The following RSPH10B variants were observed in gnomAD, a reference collection of about 807,000 sequenced individuals.
RSPH10B encodes the protein radial spoke head 10 homolog B, also known as radial spoke head 10 homolog B (Chlamydomonas).
A neutral mutation model predicts 52.5 loss-of-function variants in RSPH10B; 7 were observed. The ratio of observed to expected loss-of-function variants is 0.13; its 90% CI spans 0.08 to 0.25. The LOEUF (loss-of-function observed/expected upper bound fraction) is 0.25, where lower values mean the gene tolerates loss of function less well. Ranked by LOEUF, RSPH10B falls within the 10% of genes least tolerant of loss-of-function variation. RSPH10B has a pLI of 1.00. For missense variants in RSPH10B, 89 were observed against 542.5 expected, an observed-to-expected ratio of 0.16 and a Z score of 8.30; for synonymous variants, 28 against 193.2, an observed-to-expected ratio of 0.14 and a Z score of 7.09.
rs1329469783 is a variant in RSPH10B, at chr7:5,931,490, C to G, written c.2233+1292G>C. Among the ~76,000 whole-genome samples the G allele has an allele frequency of 2.0e-5, 3 of 151,442 alleles. No homozygotes were observed. In the South Asian group the frequency reaches 6.2e-4, roughly 31 times the overall value. On this transcript the variant is annotated intron_variant, in intron 17 of 18. Transcript: ENST00000337579. ...CCTGTAATCCCAGTGCTTTGGGACA[C>G]CAAGGCGGGAAGATCACTTGGGCCC...
chr7:5,957,499 A>C (rs367701966), intron 6 of RSPH10B, among the ~76,000 whole-genome samples: 936 of 9,932 alleles, frequency 0.094, 1 homozygote, highest in Admixed American at 0.16. Context: ...AAAAACAAAC[A>C]AACAGGCTGG....
chr7:5,942,585 G>C (rs1256250156), intron 13 of RSPH10B, among the ~76,000 whole-genome samples: 4 of 144,876 alleles, frequency 2.8e-5, no homozygotes, highest in Non-Finnish European at 4.6e-5. Context: ...AGGCCAGTCA[G>C]GCACAGTGTC....
chr7:5,950,229 T>C, intron 9 of RSPH10B, among the ~76,000 whole-genome samples: 1 of 150,476 alleles, frequency 6.6e-6, no homozygotes, highest in Non-Finnish European at 1.5e-5. Context: ...AAACAGCATG[T>C]ACAAAACACA....
intron 17 of RSPH10B, among the ~76,000 whole-genome samples, chr7:5,932,169 C>T (rs1392941629): frequency 8.0e-5 from 10 of 125,158 alleles, no homozygotes; most frequent in East Asian, 7.8e-4. Flanking sequence ...CACACGGACA[C>T]GGCTGAGGAA....
chr7:5,942,673 G>A (rs964431936), intron 13 of RSPH10B, among the ~76,000 whole-genome samples: 3 of 149,702 alleles, frequency 2.0e-5, no homozygotes, highest in Non-Finnish European at 4.4e-5. Context: ...ACCAGCCTGG[G>A]CAACATGGTG....
chr7:5,927,049 TATGTGTGTG>T (rs1278418507), intron 18 of RSPH10B, among the ~76,000 whole-genome samples: 4 of 55,992 alleles, frequency 7.1e-5, no homozygotes, highest in East Asian at 6.8e-4. Flanking sequence ...GTGTGTGTAT[TATGTGTGTG>T]TGTGTGTGTA....
At chr7:5,942,912 TTA>T (rs59583341) in intron 13 of RSPH10B, among the ~76,000 whole-genome samples, 1,920 of 93,422 alleles carry the variant, frequency 0.021, 43 homozygotes, top group African/African-American at 0.04. Flanking sequence ...ATATATTTAT[TTA>T]TATATATATA....
intron 9 of RSPH10B, among the ~76,000 whole-genome samples, chr7:5,950,328 T>C (rs1780548414): frequency 6.6e-6 from 1 of 151,942 alleles, no homozygotes; most frequent in Admixed American, 6.6e-5. Flanking sequence ...CCCAGCACTT[T>C]GGGAGGCTGA....
chr7:5,927,049 TATGTGTGTGTGTGTGTGTATATG>T (rs1779490069), intron 18 of RSPH10B, among the ~76,000 whole-genome samples: 2 of 55,982 alleles, frequency 3.6e-5, no homozygotes, highest in African/African-American at 9.8e-5. Flanking sequence ...GTGTGTGTAT[TATGTGTGTGTGTGTGTGTATATG>T]TGTGTGTGTG....
At chr7:5,961,260 G>C (rs1162506029) in intron 3 of RSPH10B, among the ~76,000 whole-genome samples, 2 of 142,192 alleles carry the variant, frequency 1.4e-5, no homozygotes, top group Non-Finnish European at 3.1e-5. Flanking sequence ...GACTGAGGCG[G>C]GAGGACTGCT....
At chr7:5,931,792 G>A (rs1286746900) in intron 17 of RSPH10B, among the ~76,000 whole-genome samples, 1 of 151,130 alleles carries the variant, frequency 6.6e-6, no homozygotes, top group Non-Finnish European at 1.5e-5. Flanking sequence ...CCTGAGGTCA[G>A]GAGTTTGAGA....
intron 7 of RSPH10B, among the ~76,000 whole-genome samples, chr7:5,954,988 T>TAAAAAAAAAAAAAAAA (rs1185408288): frequency 2.1e-4 from 5 of 24,160 alleles, no homozygotes; most frequent in Admixed American, 6.8e-4. Context: ...CTGTAACTAC[T>TAAAAAAAAAAAAAAAA]AAAAAAAAAA....
rs1290420086 is a variant in RSPH10B at position 5,944,288 on chromosome 7, C to T, written c.1530-298G>A. Among the ~76,000 whole-genome samples the T allele has an allele frequency of 4.0e-5, 6 of 150,826 alleles. No individual in the cohort carries two copies. The East Asian group carries it at 1.2e-3, about 29-fold the overall frequency. On this transcript the variant is annotated intron_variant, in intron 11 of 18. Transcript: ENST00000337579. Reference sequence around the variant, plus strand: ...TGGCAGACACCGGTAATCCCAGCTACTTGGGAGGCTGAGGCAGGAGAATCA... The same window carrying T: ...TGGCAGACACCGGTAATCCCAGCTATTTGGGAGGCTGAGGCAGGAGAATCA...
chr7:5,963,896 T>C (rs1583250606), intron 3 of RSPH10B, among the ~76,000 whole-genome samples: 1 of 97,968 alleles, frequency 1.0e-5, no homozygotes, highest in South Asian at 3.0e-4. Flanking sequence ...GCAAACCCTG[T>C]CTCTACAAAA....
At chr7:5,968,600 G>A (rs1273980375), upstream of RSPH10B, among the ~76,000 whole-genome samples, 5 of 69,154 alleles carry the variant, frequency 7.2e-5, 1 homozygote, top group East Asian at 4.3e-4. Context: ...TCCACCTCCC[G>A]GGTTCATGCC....
In RSPH10B at chr7:5,926,179, G is replaced by GA. The variant is rs1491515730; in HGVS notation, c.*188_*189insT. The GA allele has an allele frequency of 6.8e-4, 10 of 14,796 alleles. No homozygotes were observed. The South Asian group carries it at 0.045, about 67-fold the overall frequency. 0.9% of individuals were successfully genotyped at this position (14,796 alleles called of 1,614,324 possible). ...GCTGATGTTTTAATTTTGCAGAGAT[G>GA]GGGGGGTCTCACTATGTTGCCCAGG... On this transcript the variant is annotated 3_prime_UTR_variant, in exon 19 of 19. Transcript: ENST00000337579.
At chr7:5,958,867 C>T in intron 5 of RSPH10B, 126 bp downstream of exon 7, 1 of 1,214,962 alleles carries the variant, frequency 8.2e-7, no homozygotes, top group Non-Finnish European at 1.2e-6. Flanking sequence ...AAAAAATCCA[C>T]TCTGCTTAGA....
chr7:5,967,067 CG>C lies in RSPH10B; in HGVS notation c.49del (p.Arg17AlafsTer10). On this transcript the variant is annotated frameshift_variant, in exon 1 of 19. Transcript: ENST00000337579. LOFTEE classifies it high-confidence loss of function. ...ATTATCAGAGAGAGATGAGGGAGAG[CG>C]GGCAGACTTCTCCCCTTTTTTGTCT... 1 of 875,324 alleles carries C rather than the reference CG, an allele frequency of 1.1e-6. No homozygotes were observed. The highest frequency in any genetic ancestry group is 1.7e-6 in the Non-Finnish European group (1 of 577,448). The allele number at this position is 875,324 out of a possible 1,614,324, so 54.2% of individuals were successfully genotyped here.
Position 5,931,406 on chromosome 7 carries a change from C to T in RSPH10B, c.2233+1376G>A, listed in dbSNP as rs762733996. Among the ~76,000 whole-genome samples the T allele has an allele frequency of 1.9e-3, 283 of 150,958 alleles. 5 individuals are homozygous for T. Among genetic ancestry groups the T allele is most frequent in the African/African-American group, 4.0e-3 (162 of 40,728 alleles). ...CTTTAAAAGTCCACCATTGAGTGGG[C>T]GGCCGGCCATAGAGAGACACCGTCA... On this transcript the variant is annotated intron_variant, in intron 17 of 18. Coordinates refer to ENST00000337579, the Ensembl canonical transcript of RSPH10B.
Sources: allele counts gnomAD v4.1 joint callset (sites outside exome capture counted in the v4.1 genomes callset), GRCh38; gene constraint gnomAD v4.1.1; transcripts MANE v1.5; gene names NCBI Gene and HGNC (gene_info 2026-07-23, HGNC 2026-07-21).